LRP1B: variants seen among roughly 807,000 people sequenced by gnomAD.
The protein encoded by LRP1B is low-density lipoprotein receptor-related protein 1B.
Under a neutral mutation model 556.6 loss-of-function variants are expected in LRP1B, and 217 were observed. That is an observed-to-expected ratio of 0.39 (90% confidence interval 0.35 to 0.44). The LOEUF is 0.44. LRP1B is among the 20% of genes least tolerant of loss of function. LRP1B has a pLI of 1.00. For synonymous variants in LRP1B, 2,047 were observed against 1,865.8 expected, an observed-to-expected ratio of 1.10 and a Z score of -2.50; for missense variants, 5,053 against 5,620.8, an observed-to-expected ratio of 0.90 and a Z score of 3.23.
chr2:140,657,325 C>A (rs750289088), intron 41 of LRP1B, among the ~76,000 whole-genome samples: 48 of 151,684 alleles, frequency 3.2e-4, no homozygotes, highest in Admixed American at 7.2e-4. Context: ...TTATAACTGC[C>A]CTATTGAGAA....
At chr2:140,513,363 C>A (rs1011270460) in intron 51 of LRP1B, among the ~76,000 whole-genome samples, 2 of 151,936 alleles carry the variant, frequency 1.3e-5, no homozygotes, top group African/African-American at 4.8e-5. Context: ...TAGAGTTTAA[C>A]AAAAGTCAAA....
chr2:140,268,998 A>T (rs1682333546), intron 86 of LRP1B, among the ~76,000 whole-genome samples: 1 of 152,022 alleles, frequency 6.6e-6, no homozygotes, highest in Non-Finnish European at 1.5e-5. Flanking sequence ...TTCTCTAATT[A>T]AAAGCTACTA....
intron 1 of LRP1B, among the ~76,000 whole-genome samples, chr2:142,075,778 A>T (rs535965733): frequency 6.6e-6 from 1 of 152,194 alleles, no homozygotes; most frequent in Admixed American, 6.6e-5. Context: ...CAAGAAGCTT[A>T]CTAAAACTGG....
At chr2:141,943,676 AT>A (rs58664779) in intron 1 of LRP1B, among the ~76,000 whole-genome samples, 3,509 of 147,254 alleles carry the variant, frequency 0.024, 86 homozygotes, top group African/African-American at 0.061. Context: ...TTCTTGATCT[AT>A]TTTTTTTTTT....
intron 1 of LRP1B, among the ~76,000 whole-genome samples, chr2:141,899,936 A>C (rs934370938): frequency 4.6e-5 from 7 of 151,940 alleles, no homozygotes; most frequent in African/African-American, 1.7e-4. Context: ...CTGACTGTGC[A>C]CTCAAATGTC....
At chr2:140,640,604 C>G (rs1384381576) in intron 41 of LRP1B, among the ~76,000 whole-genome samples, 2 of 150,792 alleles carry the variant, frequency 1.3e-5, no homozygotes, top group African/African-American at 4.9e-5. Context: ...ACCGTGGTCT[C>G]GATCTCCTGA....
chr2:140,501,380 A>G (rs561728373), intron 55 of LRP1B, among the ~76,000 whole-genome samples: 2 of 152,152 alleles, frequency 1.3e-5, no homozygotes, highest in Admixed American at 1.3e-4. Context: ...TAAGAGTTAA[A>G]TACGTATTTA....
chr2:140,258,308 TAA>T, intron 86 of LRP1B, among the ~76,000 whole-genome samples: 1 of 147,948 alleles, frequency 6.8e-6, no homozygotes, highest in Admixed American at 6.8e-5. Context: ...CCTTCTGCCT[TAA>T]AAAAAAAAAA....
chr2:140,553,863 G>T (rs1680635826), intron 43 of LRP1B, among the ~76,000 whole-genome samples: 1 of 152,002 alleles, frequency 6.6e-6, no homozygotes, highest in South Asian at 2.1e-4. Context: ...TAAAGAGGCA[G>T]ATCCTTCAGA....
At chr2:140,833,237 C>T (rs1691778887) in intron 31 of LRP1B, among the ~76,000 whole-genome samples, 1 of 152,074 alleles carries the variant, frequency 6.6e-6, no homozygotes, top group South Asian at 2.1e-4. Flanking sequence ...TTGTAAAGTA[C>T]ACAATAATCA....
At chr2:140,841,618 T>A (rs1692108035) in intron 29 of LRP1B, among the ~76,000 whole-genome samples, 1 of 152,102 alleles carries the variant, frequency 6.6e-6, no homozygotes, top group African/African-American at 2.4e-5. Flanking sequence ...GAAGAGAAAA[T>A]CCACTAAAAT....
chr2:141,924,122 T>C (rs1700272207), intron 1 of LRP1B, among the ~76,000 whole-genome samples: 1 of 151,918 alleles, frequency 6.6e-6, no homozygotes, highest in African/African-American at 2.4e-5. Context: ...TGGCCTGCAA[T>C]GCCCCACTAT....
chr2:141,898,533 C>T (rs184109795), intron 1 of LRP1B, among the ~76,000 whole-genome samples: 61 of 152,056 alleles, frequency 4.0e-4, no homozygotes, highest in African/African-American at 1.5e-3. Flanking sequence ...ATTAATTATA[C>T]CAGGAATAAG....
chr2:141,459,249 GTA>G (rs2105038379), intron 3 of LRP1B, among the ~76,000 whole-genome samples: 1 of 152,248 alleles, frequency 6.6e-6, no homozygotes, highest in South Asian at 2.1e-4. Flanking sequence ...ACACGTGTAT[GTA>G]TATGTGTGTG....
chr2:140,364,555 C>A, intron 72 of LRP1B, 106 bp downstream of exon 72: 1 of 1,334,312 alleles, frequency 7.5e-7, no homozygotes, highest in Non-Finnish European at 1.0e-6. Context: ...TCTACCTAAC[C>A]CCAGGATGGT....
At chr2:140,624,418 A>AT (rs1371941114) in intron 41 of LRP1B, among the ~76,000 whole-genome samples, 2 of 152,100 alleles carry the variant, frequency 1.3e-5, no homozygotes, top group Non-Finnish European at 2.9e-5. Context: ...CTCAGCAATT[A>AT]TTTTTCTAGC....
At chr2:140,469,828 G>A (rs76602040) in intron 60 of LRP1B, among the ~76,000 whole-genome samples, 8,554 of 152,210 alleles carry the variant, frequency 0.056, 301 homozygotes, top group African/African-American at 0.079. Context: ...GGTAGATCTC[G>A]GTTCAAATTT....
intron 1 of LRP1B, among the ~76,000 whole-genome samples, chr2:141,871,353 A>G (rs1456487815): frequency 6.8e-6 from 1 of 148,030 alleles, no homozygotes; most frequent in East Asian, 1.9e-4. Context: ...TTGTAATATA[A>G]TAAAGATTAA....
chr2:141,799,275 G>A (rs142778874), intron 2 of LRP1B, among the ~76,000 whole-genome samples: 8 of 152,176 alleles, frequency 5.3e-5, no homozygotes, highest in Middle Eastern at 3.4e-3. Flanking sequence ...ATCACATTCC[G>A]TGACAAAAGG....
Sources: allele counts gnomAD v4.1 joint callset (sites outside exome capture counted in the v4.1 genomes callset), GRCh38; gene constraint gnomAD v4.1.1; transcripts MANE v1.5; gene names NCBI Gene and HGNC (gene_info 2026-07-23, HGNC 2026-07-21).